Variants in CLCN5 observed in about 807,000 individuals in gnomAD.
CLCN5 encodes the protein H(+)/Cl(-) exchange transporter 5.
CLCN5 carries 17 observed loss-of-function variants against 54.0 expected under a neutral mutation model. The ratio of observed to expected loss-of-function variants is 0.31; its 90% CI spans 0.22 to 0.47. The LOEUF (loss-of-function observed/expected upper bound fraction) is 0.47. Ranked by LOEUF, CLCN5 falls within the 20% of genes least tolerant of loss-of-function variation. CLCN5 has a pLI of 1.00. For synonymous variants in CLCN5, 222 were observed against 233.0 expected (o/e 0.95, Z 0.43); for missense variants, 448 against 646.7 (o/e 0.69, Z 3.33).
At chrX:50,087,876 T>C (rs781825795) in intron 11 of CLCN5, among the ~76,000 whole-genome samples, 1 of 112,007 alleles carries the variant, frequency 8.9e-6, no homozygotes, top group East Asian at 2.8e-4. Context: ...ATCTGCTGTT[T>C]TGGTTATCCT....
At chrX:49,972,527 C>G (rs1928274762) in intron 3 of CLCN5, among the ~76,000 whole-genome samples, 1 of 111,758 alleles carries the variant, frequency 8.9e-6, no homozygotes, top group Admixed American at 9.5e-5. Context: ...TCAGCTGATC[C>G]TGCCATCACC....
intron 3 of CLCN5, among the ~76,000 whole-genome samples, chrX:49,952,018 A>G (rs782252056): frequency 8.9e-6 from 1 of 112,519 alleles, no homozygotes; most frequent in Non-Finnish European, 1.9e-5. Context: ...ATGCCTGTGC[A>G]TATGTTTCTA....
chrX:50,077,615 AGAGAGAGTGT>A (rs1412789053), intron 7 of CLCN5, among the ~76,000 whole-genome samples: 1 of 90,903 alleles, frequency 1.1e-5, no homozygotes, highest in Non-Finnish European at 2.1e-5. Context: ...AGAGAGAGAG[AGAGAGAGTGT>A]GTGTGTGTGT....
In CLCN5 at chrX:49,995,432, G is replaced by C. The variant is rs373662393; in HGVS notation, c.17-46884G>C. On this transcript the variant is annotated intron_variant, in intron 3 of 14. Coordinates refer to ENST00000376091, the MANE Select transcript of CLCN5 (RefSeq NM_001127898.4). ...TTTCTACCTTGTAGCTGAGGCTTCC[G>C]AGCAAGGGTAAAGTCAGTCCCTTCC... 6.3e-5 allele frequency among the ~76,000 whole-genome samples: 7 copies of C among 111,623 alleles called. No individual in the cohort carries two copies. In the Admixed American group the frequency reaches 6.7e-4, roughly 11 times the overall value.
Position 50,098,895 on chromosome X carries a change from G to A in CLCN5, c.*6676G>A, listed in dbSNP as rs1322704325. ...AGGAGACCTGATTTCTATTCCCTAT[G>A]CTTCTACTAACTAGCCTCGAGATCT... is the stretch of plus-strand genomic sequence containing the variant. On this transcript the variant is annotated 3_prime_UTR_variant, in exon 15 of 15. Transcript: ENST00000376091. 1 of 112,128 alleles carries A rather than the reference G, an allele frequency of 8.9e-6. No homozygotes were observed. Among genetic ancestry groups the A allele is most frequent in the African/African-American group, 3.3e-5 (1 of 30,730 alleles). 9.2% of individuals were successfully genotyped at this position (112,128 alleles called of 1,213,427 possible).
At position 50,090,757 on chromosome X, in the gene CLCN5, C is replaced by T. The variant is rs1934068545; in HGVS notation, c.2231C>T (p.Pro744Leu). Residue 744 changes from proline (P) to leucine (L), a missense_variant, in exon 14 of 15, where the codon CCA becomes CTA. This residue lies in a region of CLCN5 where 297 missense variants were observed against 470.4 expected (regional missense o/e 0.63). Transcript: ENST00000376091. Reference sequence around the variant, plus strand: ...TCTCCTCCATTGCCACCATACACTCCACCCACTCTAAAGCTTCGGAACATC... The same window carrying T: ...TCTCCTCCATTGCCACCATACACTCTACCCACTCTAAAGCTTCGGAACATC... ...EHSPPLPPYT[P>L]PTLKLRNILD... is the part of the protein sequence containing the mutation. 1.7e-6 allele frequency: 2 copies of T among 1,210,818 alleles called. No homozygotes were observed. Among genetic ancestry groups the T allele is most frequent in the East Asian group, 5.9e-5 (2 of 33,815 alleles).
intron 3 of CLCN5, among the ~76,000 whole-genome samples, chrX:50,035,160 T>C (rs782651903): frequency 1.9e-3 from 207 of 111,486 alleles, no homozygotes; most frequent in Non-Finnish European, 3.1e-3. Flanking sequence ...CAATCTCCCA[T>C]TCCATTTTCT....
intron 3 of CLCN5, among the ~76,000 whole-genome samples, chrX:49,985,766 G>A (rs1368429244): frequency 1.8e-5 from 2 of 111,338 alleles, no homozygotes; most frequent in African/African-American, 6.5e-5. Flanking sequence ...CTTAAAGGGA[G>A]TAACCATTTA....
intron 4 of CLCN5, among the ~76,000 whole-genome samples, chrX:50,044,611 C>T (rs936783244): frequency 1.8e-5 from 2 of 110,544 alleles, no homozygotes; most frequent in South Asian, 7.8e-4. Flanking sequence ...TTGGGATAGG[C>T]GGTGGAGTCA....
intron 3 of CLCN5, among the ~76,000 whole-genome samples, chrX:49,974,010 T>C (rs1336488505): frequency 8.9e-6 from 1 of 112,631 alleles, no homozygotes; most frequent in Non-Finnish European, 1.9e-5. Context: ...ATGTGTTCTT[T>C]TGTGTCTCAC....
chrX:49,969,303 C>T (rs1928081838), intron 3 of CLCN5, among the ~76,000 whole-genome samples: 1 of 112,027 alleles, frequency 8.9e-6, no homozygotes, highest in African/African-American at 3.2e-5. Flanking sequence ...GTCTCGAACT[C>T]CTGACCGCAG....
intron 3 of CLCN5, among the ~76,000 whole-genome samples, chrX:49,996,310 T>A (rs973812171): frequency 9.8e-5 from 11 of 111,890 alleles, no homozygotes; most frequent in African/African-American, 2.9e-4. Context: ...CTTTCTGTTC[T>A]CACCTCTACT....
rs781800398 is a variant in CLCN5 at position 49,968,888 on chromosome X, A to G, written c.16+43574A>G. Among the ~76,000 whole-genome samples the G allele has an allele frequency of 1.3e-4, 11 of 81,561 alleles. 1 individual carries two copies. The highest frequency in any genetic ancestry group is 4.7e-4 in the South Asian group (1 of 2,115). 70.8% of individuals were successfully genotyped at this position (81,561 alleles called of 115,157 possible). A position where few individuals can be genotyped will look rare whatever the true frequency, so the allele number is the denominator to read the frequency against. On this transcript the variant is annotated intron_variant, in intron 3 of 14. Transcript: ENST00000376091. ...CATCAGAGTGAACAGGCAACCTACAACATGGGAGAAAATTTTTGCAACCTA... is the reference window on the plus strand; with the variant it reads ...CATCAGAGTGAACAGGCAACCTACAGCATGGGAGAAAATTTTTGCAACCTA...
At chrX:49,993,528 A>G (rs1424139725) in intron 3 of CLCN5, among the ~76,000 whole-genome samples, 1 of 112,028 alleles carries the variant, frequency 8.9e-6, no homozygotes, top group Non-Finnish European at 1.9e-5. Context: ...AGTAAATAAT[A>G]TAGTTTGAAT....
chrX:49,987,557 G>C (rs1173241007), intron 3 of CLCN5, among the ~76,000 whole-genome samples: 1 of 111,780 alleles, frequency 8.9e-6, no homozygotes, highest in Non-Finnish European at 1.9e-5. Flanking sequence ...TATGGCAAGG[G>C]GGAAAAACCA....
intron 3 of CLCN5, among the ~76,000 whole-genome samples, chrX:49,987,961 AC>A (rs781964226): frequency 9.0e-5 from 10 of 111,411 alleles, no homozygotes; most frequent in Non-Finnish European, 1.9e-4. Context: ...TGATGCTTTT[AC>A]ACCCTTTCCT....
intron 9 of CLCN5, 139 bp from the exon 10 acceptor site, chrX:50,085,841 A>G (rs185825205): frequency 1.8e-6 from 1 of 554,886 alleles, no homozygotes; most frequent in East Asian, 3.5e-5. Context: ...ACAGTGTTTG[A>G]ATTTTGTTTT....
At chrX:50,030,583 A>G (rs1557185747) in intron 3 of CLCN5, among the ~76,000 whole-genome samples, 1 of 111,886 alleles carries the variant, frequency 8.9e-6, no homozygotes, top group East Asian at 2.8e-4. Context: ...ATAATTGGCA[A>G]CAAGAAGTAT....
intron 3 of CLCN5, 128 bp downstream of exon 3, chrX:49,925,442 G>T (rs1222240272): frequency 1.5e-6 from 1 of 655,253 alleles, no homozygotes; most frequent in Non-Finnish European, 2.5e-6. Flanking sequence ...CTTTGTCTTT[G>T]CAGGGACAAA....
Sources: gnomAD v4.1 joint callset for allele counts (sites outside exome capture counted in the v4.1 genomes callset) on GRCh38, gnomAD v4.1.1 for gene constraint, gnomAD v4.1.1 regional missense constraint, MANE v1.5 for transcripts, NCBI Gene and HGNC (gene_info 2026-07-23, HGNC 2026-07-21) for gene names.